The following GALNT10 variants were observed in gnomAD, a reference collection of about 807,000 sequenced individuals.
GALNT10 encodes the protein polypeptide N-acetylgalactosaminyltransferase 10.
GALNT10 carries 41 observed loss-of-function variants against 75.0 expected under a neutral mutation model. The ratio of observed to expected loss-of-function variants is 0.55; its 90% CI spans 0.43 to 0.71. The LOEUF (loss-of-function observed/expected upper bound fraction) is 0.71. Among genes scored for constraint, GALNT10 ranks in the 30% least tolerant of loss-of-function variants. GALNT10 has a pLI of 0.00. For missense variants in GALNT10, 727 were observed against 818.5 expected, an observed-to-expected ratio of 0.89 and a Z score of 1.36; for synonymous variants, 302 against 313.0, an observed-to-expected ratio of 0.96 and a Z score of 0.37.
At chr5:154,373,559 T>A (rs1356115871) in intron 4 of GALNT10, among the ~76,000 whole-genome samples, 2 of 152,192 alleles carry the variant, frequency 1.3e-5, no homozygotes, top group East Asian at 3.9e-4. Context: ...GTGTCAGAGA[T>A]AATATAGATG....
chr5:154,270,815 G>A (rs977903470), intron 1 of GALNT10, among the ~76,000 whole-genome samples: 2 of 151,942 alleles, frequency 1.3e-5, no homozygotes, highest in African/African-American at 4.8e-5. Context: ...CCAACATGGC[G>A]AAAACCCATC....
chr5:154,214,304 A>G (rs770464906), intron 1 of GALNT10, among the ~76,000 whole-genome samples: 16 of 152,032 alleles, frequency 1.1e-4, no homozygotes, highest in Non-Finnish European at 2.2e-4. Flanking sequence ...CTGATAACCA[A>G]CCAGAGGGAC....
intron 1 of GALNT10, among the ~76,000 whole-genome samples, chr5:154,216,568 T>C (rs1437539806): frequency 6.6e-6 from 1 of 152,216 alleles, no homozygotes; most frequent in Non-Finnish European, 1.5e-5. Context: ...ATTGTCCTCG[T>C]TGGTTAATTT....
At chr5:154,292,454 A>G (rs1257728838) in intron 1 of GALNT10, among the ~76,000 whole-genome samples, 1 of 152,226 alleles carries the variant, frequency 6.6e-6, no homozygotes, top group East Asian at 1.9e-4. Context: ...TAGTCCCACC[A>G]GGGCTGAAGT....
chr5:154,367,218 T>A (rs908910739), intron 4 of GALNT10, among the ~76,000 whole-genome samples: 1 of 152,188 alleles, frequency 6.6e-6, no homozygotes, highest in African/African-American at 2.4e-5. Context: ...TTTCTATGAG[T>A]CACAGTCAAA....
At chr5:154,273,449 G>A (rs1753901138) in intron 1 of GALNT10, among the ~76,000 whole-genome samples, 1 of 152,188 alleles carries the variant, frequency 6.6e-6, no homozygotes, top group South Asian at 2.1e-4. Context: ...ACTGGGGAGA[G>A]AGTTTGCAAT....
At chr5:154,212,798 C>G (rs1462385394) in intron 1 of GALNT10, among the ~76,000 whole-genome samples, 2 of 152,140 alleles carry the variant, frequency 1.3e-5, no homozygotes, top group African/African-American at 2.4e-5. Flanking sequence ...GAAACCCTGT[C>G]TCTACTAAAA....
At chr5:154,358,291 G>C (rs1438197707) in intron 4 of GALNT10, among the ~76,000 whole-genome samples, 1 of 151,846 alleles carries the variant, frequency 6.6e-6, no homozygotes, top group Non-Finnish European at 1.5e-5. Flanking sequence ...GGGTCTCCTT[G>C]GGGGCTCCAA....
chr5:154,228,781 G>A (rs1054345966), intron 1 of GALNT10, among the ~76,000 whole-genome samples: 6 of 152,240 alleles, frequency 3.9e-5, no homozygotes, highest in Admixed American at 3.3e-4. Context: ...TGTGTTCTAA[G>A]AGGATGTGCA....
At chr5:154,232,466 A>G (rs897682043) in intron 1 of GALNT10, among the ~76,000 whole-genome samples, 3 of 152,214 alleles carry the variant, frequency 2.0e-5, no homozygotes, top group African/African-American at 7.2e-5. Context: ...CAGGAAGCTT[A>G]CATTCCAGTG....
At chr5:154,381,338 G>T (rs1359615087) in intron 6 of GALNT10, among the ~76,000 whole-genome samples, 1 of 152,184 alleles carries the variant, frequency 6.6e-6, no homozygotes, top group Non-Finnish European at 1.5e-5. Context: ...TCTGTGAGTG[G>T]CTAAGACAGA....
chr5:154,320,884 G>A (rs1223820820), intron 3 of GALNT10, among the ~76,000 whole-genome samples: 3 of 152,166 alleles, frequency 2.0e-5, no homozygotes, highest in Admixed American at 6.5e-5. Flanking sequence ...CACACAGCTG[G>A]AATGAGCTCT....
intron 5 of GALNT10, among the ~76,000 whole-genome samples, chr5:154,380,122 C>T (rs1320942354): frequency 3.3e-5 from 5 of 152,154 alleles, no homozygotes; most frequent in East Asian, 1.9e-4. Context: ...TAATAAGGCA[C>T]GTATGCTAAG....
chr5:154,389,736 ATATAAG>A lies in GALNT10; in HGVS notation c.1056+3312_1056+3317del, dbSNP rs532249709. ...CTTTTCATAAAAAAGACTCCAATAA[ATATAAG>A]TATAAAAAATAATACAATTAAAAGT... On this transcript the variant is annotated intron_variant, in intron 7 of 11. Coordinates refer to ENST00000297107, the MANE Select transcript of GALNT10 (RefSeq NM_198321.4). 2.4e-4 allele frequency among the ~76,000 whole-genome samples: 37 copies of A among 152,210 alleles called. No homozygotes were observed. The East Asian group carries it at 3.3e-3, about 13-fold the overall frequency.
At chr5:154,251,534 C>A (rs1581939355) in intron 1 of GALNT10, among the ~76,000 whole-genome samples, 1 of 152,258 alleles carries the variant, frequency 6.6e-6, no homozygotes, top group East Asian at 1.9e-4. Flanking sequence ...TGGCATTGAC[C>A]CCTCTGGCAA....
chr5:154,193,730 A>C (rs1774895599), intron 1 of GALNT10, among the ~76,000 whole-genome samples: 1 of 152,242 alleles, frequency 6.6e-6, no homozygotes, highest in African/African-American at 2.4e-5. Flanking sequence ...CCACTACTTG[A>C]GTAGTCCTCT....
At chr5:154,415,708 A>C in intron 10 of GALNT10, 75 bp from the exon 11 acceptor site, 1 of 1,319,472 alleles carries the variant, frequency 7.6e-7, no homozygotes, top group East Asian at 2.6e-5. Flanking sequence ...AAATTTTTCC[A>C]TAATTTAAAA....
chr5:154,203,573 C>T (rs535558927), intron 1 of GALNT10, among the ~76,000 whole-genome samples: 324 of 152,336 alleles, frequency 2.1e-3, no homozygotes, highest in African/African-American at 7.4e-3. Flanking sequence ...AAATCTTTTT[C>T]TTCCCAGAAA....
chr5:154,349,243 A>G, intron 4 of GALNT10, among the ~76,000 whole-genome samples: 1 of 152,026 alleles, frequency 6.6e-6, no homozygotes, highest in East Asian at 1.9e-4. Flanking sequence ...AGTCCTGAGC[A>G]GTGATTGTCA....
Sources: gnomAD v4.1 joint callset for allele counts (sites outside exome capture counted in the v4.1 genomes callset) on GRCh38, gnomAD v4.1.1 for gene constraint, MANE v1.5 for transcripts, NCBI Gene and HGNC (gene_info 2026-07-23, HGNC 2026-07-21) for gene names.